MYO7A: variants seen among roughly 807,000 people sequenced by gnomAD.
The protein encoded by MYO7A is myosin VIIA, also known as unconventional myosin-VIIa.
MYO7A carries 210 observed loss-of-function variants against 263.8 expected under a neutral mutation model. The observed-to-expected ratio is 0.80, with a 90% CI of 0.71 to 0.89. MYO7A has a LOEUF of 0.89. Among genes scored for constraint, MYO7A ranks in the 40% least tolerant of loss-of-function variants. The pLI is 0.00. For missense variants in MYO7A, 2,820 were observed against 2,968.3 expected, an observed-to-expected ratio of 0.95 and a Z score of 1.16; for synonymous variants, 1,239 against 1,197.3, an observed-to-expected ratio of 1.03 and a Z score of -0.72.
intron 10 of MYO7A, 54 bp downstream of exon 10, chr11:77,159,577 G>T: frequency 3.8e-6 from 6 of 1,563,780 alleles, no homozygotes; most frequent in South Asian, 1.1e-5. Flanking sequence ...GAAGGGTTGA[G>T]TTTAAGCTCA....
At chr11:77,141,356 G>T (rs1388895791) in intron 2 of MYO7A, among the ~76,000 whole-genome samples, 1 of 152,180 alleles carries the variant, frequency 6.6e-6, no homozygotes, top group Non-Finnish European at 1.5e-5. Flanking sequence ...GCCGGGTAGG[G>T]CCTGAAACCC....
At chr11:77,182,922 G>A (rs1955372851) in intron 25 of MYO7A, 146 bp from the exon 26 acceptor site, 1 of 769,622 alleles carries the variant, frequency 1.3e-6, no homozygotes, top group Admixed American at 2.0e-5. Context: ...CAAGGGTAGG[G>A]GTGAGCAGGT....
chr11:77,170,114 C>T (rs1209081788), intron 15 of MYO7A, among the ~76,000 whole-genome samples: 3 of 152,038 alleles, frequency 2.0e-5, no homozygotes, highest in Non-Finnish European at 4.4e-5. Flanking sequence ...ATAAGTAAAA[C>T]CTGCAGTGTA....
intron 14 of MYO7A, among the ~76,000 whole-genome samples, chr11:77,164,076 C>A (rs1953298451): frequency 6.6e-6 from 1 of 152,190 alleles, no homozygotes; most frequent in South Asian, 2.1e-4. Context: ...AGACTCTCAG[C>A]AACAAGACCA....
Position 77,184,611 on chromosome 11 carries a change from G to A in MYO7A, c.3399G>A (p.Gly1133=), listed in dbSNP as rs781948133. ...AGGTGACCAAGAGGCTGCATGACGG[G>A]GAGTCCACAGTGCAGGGCAACAGCA... is the stretch of plus-strand genomic sequence containing the variant. The part of the protein sequence containing the change: ...TEEVTKRLHD[G]ESTVQGNSML... The change falls in exon 27 of 49, where the codon GGG becomes GGA. Residue 1133 remains glycine, a synonymous_variant. Coordinates refer to ENST00000409709, the MANE Select transcript of MYO7A (RefSeq NM_000260.4). 6.4e-7 allele frequency: 1 copy of A among 1,570,754 alleles called. No homozygotes were observed. Among genetic ancestry groups the A allele is most frequent in the Non-Finnish European group, 8.6e-7 (1 of 1,157,480 alleles).
Position 77,211,841 on chromosome 11 carries a change from C to T in MYO7A, c.6258C>T (p.Asn2086=). 1 of 1,613,966 alleles carries T rather than the reference C, an allele frequency of 6.2e-7. No homozygotes were observed. The highest frequency in any genetic ancestry group is 8.5e-7 in the Non-Finnish European group (1 of 1,179,836). Residue 2086 remains asparagine (N), a synonymous_variant, in exon 46 of 49, where the codon AAC becomes AAT. Coordinates refer to ENST00000409709, the MANE Select transcript of MYO7A (RefSeq NM_000260.4). The stretch of plus-strand genomic sequence containing the variant: ...CATAGTCCATCGTCGCCTACTTCAA[C>T]AAGCACGCAGGGAAGTCCAAGGAGG... The part of the protein sequence containing the change: ...DWKRSIVAYF[N]KHAGKSKEEA...
Position 77,158,306 on chromosome 11 carries a change from G to T in MYO7A, c.879G>T (p.Val293=), listed in dbSNP as rs185844002. ...ACTGCATAACCTGTGAGGGCCGGGT[G>T]GACAGCCAGGAGTACGCCAACATCC... The part of the protein sequence containing the change: ...MGNCITCEGR[V]DSQEYANIRS... Residue 293 remains valine, a synonymous_variant, in exon 9 of 49, where the codon GTG becomes GTT. Transcript: ENST00000409709. 1 of 1,610,078 alleles carries T rather than the reference G, an allele frequency of 6.2e-7. No individual in the cohort carries two copies. The highest frequency in any genetic ancestry group is 1.3e-5 in the African/African-American group (1 of 75,008).
In MYO7A at chr11:77,163,903, C is replaced by T. The variant is rs546188285; in HGVS notation, c.1690+915C>T. Among the ~76,000 whole-genome samples the T allele has an allele frequency of 1.9e-3, 286 of 152,200 alleles. 6 individuals are homozygous for T. Among genetic ancestry groups the T allele is most frequent in the South Asian group, 2.3e-3 (11 of 4,812 alleles). The stretch of plus-strand genomic sequence containing the variant: ...GAACACTTGTGTACAAATATCTGTT[C>T]GAGTCCCTGCTTTCAATTCTTTTGG... On this transcript the variant is annotated intron_variant, in intron 14 of 48. Coordinates refer to ENST00000409709, the MANE Select transcript of MYO7A (RefSeq NM_000260.4).
intron 41 of MYO7A, chr11:77,207,057 A>C: frequency 2.2e-6 from 1 of 459,322 alleles, no homozygotes; most frequent in Non-Finnish European, 3.9e-6. Flanking sequence ...CTGGCCCAGG[A>C]CTCTGGACGC....
chr11:77,214,495 T>C (rs1958039277), intron 48 of MYO7A, 112 bp from the exon 49 acceptor site: 2 of 783,910 alleles, frequency 2.6e-6, no homozygotes, highest in Non-Finnish European at 4.4e-6. Flanking sequence ...TAGGAGGGAT[T>C]TGCCTTTGTC....
intron 11 of MYO7A, 98 bp downstream of exon 11, chr11:77,160,380 T>G (rs1952883064): frequency 4.1e-6 from 6 of 1,460,808 alleles, no homozygotes; most frequent in Admixed American, 2.2e-5. Flanking sequence ...TGGGTAGACA[T>G]CTGGGTCGCC....
chr11:77,212,200 C>G, intron 46 of MYO7A: 1 of 597,034 alleles, frequency 1.7e-6, no homozygotes, highest in Non-Finnish European at 3.1e-6. Context: ...GGCCTGTGTT[C>G]TGACACTGGG....
chr11:77,172,734 G>C lies in MYO7A; in HGVS notation c.1798-14G>C. 6.4e-7 allele frequency: 1 copy of C among 1,551,374 alleles called. No individual in the cohort carries two copies. Among genetic ancestry groups the C allele is most frequent in the Non-Finnish European group, 8.7e-7 (1 of 1,148,494 alleles). ...AGGCACAGCCCCTCCCATCGCTGCC[G>C]TCCGTCCCCCCAGGGCGCCGAGACC... is the stretch of plus-strand genomic sequence containing the variant. On this transcript the variant is annotated splice_polypyrimidine_tract_variant and intron_variant, in intron 15 of 48. Coordinates refer to ENST00000409709, the MANE Select transcript of MYO7A (RefSeq NM_000260.4).
chr11:77,182,710 C>T (rs1466615688), intron 25 of MYO7A, 110 bp downstream of exon 25: 13 of 1,202,320 alleles, frequency 1.1e-5, no homozygotes, highest in Non-Finnish European at 1.3e-5. Flanking sequence ...TAATTCATCT[C>T]TGCCTCACCG....
chr11:77,206,282 G>A (rs1957442143), intron 41 of MYO7A, 80 bp downstream of exon 41: 2 of 1,089,340 alleles, frequency 1.8e-6, no homozygotes, highest in Admixed American at 4.7e-5. Flanking sequence ...GTGGCCTTAA[G>A]CCTCTCCCCC....
intron 1 of MYO7A, 28 bp from the exon 2 acceptor site, chr11:77,130,561 A>G: frequency 6.3e-7 from 1 of 1,579,506 alleles, no homozygotes; most frequent in South Asian, 1.2e-5. Flanking sequence ...GCCTGCCCAG[A>G]AGCATGACAT....
Position 77,174,839 on chromosome 11 carries a change from C to G in MYO7A, c.2019C>G (p.Pro673=). 1 of 1,613,694 alleles carries G rather than the reference C, an allele frequency of 6.2e-7. No individual in the cohort carries two copies. Among genetic ancestry groups the G allele is most frequent in the South Asian group, 1.1e-5 (1 of 91,074 alleles). The change falls in exon 17 of 49, where the codon CCC becomes CCG. Residue 673 remains proline (P), a synonymous_variant. Transcript: ENST00000409709. ...ETIRIRRAGY[P]IRYSFVEFVE... ...TCCGAATCCGCCGAGCTGGCTACCC[C>G]ATCCGCTACAGCTTCGTAGAGTTTG...
At chr11:77,173,497 A>G (rs1954325132) in intron 16 of MYO7A, among the ~76,000 whole-genome samples, 1 of 152,224 alleles carries the variant, frequency 6.6e-6, no homozygotes, top group Admixed American at 6.5e-5. Context: ...CCCGTGAGAA[A>G]GGGACTGTGC....
chr11:77,164,069 C>T (rs1368698681), intron 14 of MYO7A, among the ~76,000 whole-genome samples: 1 of 152,188 alleles, frequency 6.6e-6, no homozygotes, highest in Non-Finnish European at 1.5e-5. Context: ...CCCCCTAAGA[C>T]TCTCAGCAAC....
Sources: gnomAD v4.1 joint callset for allele counts (sites outside exome capture counted in the v4.1 genomes callset) on GRCh38, gnomAD v4.1.1 for gene constraint, MANE v1.5 for transcripts, NCBI Gene and HGNC (gene_info 2026-07-23, HGNC 2026-07-21) for gene names.